The following MACROD2 variants were observed in gnomAD, a reference collection of about 807,000 sequenced individuals.
MACROD2 encodes the protein ADP-ribose glycohydrolase MACROD2.
A neutral mutation model predicts 70.4 loss-of-function variants in MACROD2; 36 were observed. The observed-to-expected ratio is 0.51, with a 90% CI of 0.39 to 0.68. MACROD2 has a LOEUF of 0.68. Among genes scored for constraint, MACROD2 ranks in the 30% least tolerant of loss-of-function variants. MACROD2 has a pLI of 0.00. For missense variants in MACROD2, 496 were observed against 538.4 expected (o/e 0.92, Z 0.78); for synonymous variants, 172 against 178.8 (o/e 0.96, Z 0.30).
At chr20:14,855,238 C>G (rs951273864) in intron 5 of MACROD2, among the ~76,000 whole-genome samples, 1 of 152,146 alleles carries the variant, frequency 6.6e-6, no homozygotes, top group African/African-American at 2.4e-5. Flanking sequence ...CAAGATTTTA[C>G]AGCATCTCAA....
At chr20:15,735,919 T>G (rs979380667) in intron 8 of MACROD2, among the ~76,000 whole-genome samples, 1 of 152,112 alleles carries the variant, frequency 6.6e-6, no homozygotes, top group Non-Finnish European at 1.5e-5. Context: ...ATGTAACATA[T>G]CTTTATTGAA....
chr20:14,184,509 G>T (rs1340114277), intron 3 of MACROD2, among the ~76,000 whole-genome samples: 11 of 142,872 alleles, frequency 7.7e-5, no homozygotes, highest in African/African-American at 2.8e-4. Flanking sequence ...AGGCTATTTG[G>T]TTTTTTTTTT....
chr20:13,995,581 G>C lies in MACROD2; in HGVS notation c.-183G>C. The C allele has an allele frequency of 2.9e-6, 2 of 678,802 alleles. No homozygotes were observed. Among genetic ancestry groups the C allele is most frequent in the Non-Finnish European group, 5.4e-6 (2 of 370,796 alleles). 42.0% of individuals were successfully genotyped at this position (678,802 alleles called of 1,614,324 possible). A position where few individuals can be genotyped will look rare whatever the true frequency, so the allele number is the denominator to read the frequency against. On this transcript the variant is annotated 5_prime_UTR_variant, in exon 1 of 18. Transcript: ENST00000684519. This position sits in a 1 kb window ranked among gnomAD's most constrained non-coding sequence, Gnocchi z 4.3. ...TGAGGCGGGTGGGAGCCGGAGCCGA[G>C]CGCGGGCTGAGGGAGGAGGGCGGCG...
intron 3 of MACROD2, among the ~76,000 whole-genome samples, chr20:14,441,583 G>A (rs1394123657): frequency 1.3e-5 from 2 of 152,110 alleles, no homozygotes; most frequent in Non-Finnish European, 2.9e-5. Context: ...CAGTGATATG[G>A]CATTGAGTCA....
chr20:15,619,992 C>A (rs200753), intron 8 of MACROD2, among the ~76,000 whole-genome samples: 19 of 151,906 alleles, frequency 1.3e-4, no homozygotes, highest in African/African-American at 4.3e-4. Context: ...CTAAACGAAT[C>A]TTCATTCCAG....
intron 8 of MACROD2, among the ~76,000 whole-genome samples, chr20:15,681,579 T>C (rs952674436): frequency 6.6e-6 from 1 of 152,228 alleles, no homozygotes; most frequent in African/African-American, 2.4e-5. Context: ...TGTTTGGGGC[T>C]TCAGGTGTAT....
At chr20:15,620,383 G>A (rs555021241) in intron 8 of MACROD2, among the ~76,000 whole-genome samples, 20 of 152,218 alleles carry the variant, frequency 1.3e-4, no homozygotes, top group African/African-American at 3.6e-4. Context: ...AACCCAGGTT[G>A]GATATTTAGA....
intron 3 of MACROD2, among the ~76,000 whole-genome samples, chr20:14,097,564 A>G (rs1214585687): frequency 6.6e-6 from 1 of 152,242 alleles, no homozygotes; most frequent in Non-Finnish European, 1.5e-5. Flanking sequence ...ACTTGGAGTC[A>G]GATCAATCAT....
chr20:15,767,028 G>A (rs911311259), intron 8 of MACROD2, among the ~76,000 whole-genome samples: 11 of 152,198 alleles, frequency 7.2e-5, no homozygotes, highest in Non-Finnish European at 1.3e-4. Flanking sequence ...CAGATTCAAG[G>A]AAGGAGCTCT....
intron 3 of MACROD2, among the ~76,000 whole-genome samples, chr20:14,385,076 T>C (rs1346667516): frequency 6.6e-6 from 1 of 152,050 alleles, no homozygotes; most frequent in Admixed American, 6.5e-5. Context: ...GCCATCAAAT[T>C]GGGGACAAGT....
At chr20:15,720,974 C>T (rs1032195180) in intron 8 of MACROD2, among the ~76,000 whole-genome samples, 13 of 152,172 alleles carry the variant, frequency 8.5e-5, no homozygotes, top group Non-Finnish European at 1.9e-4. Context: ...AGTGCTGTCT[C>T]TCCACTGAAC....
At chr20:14,469,270 G>T (rs1429934128) in intron 3 of MACROD2, among the ~76,000 whole-genome samples, 1 of 152,142 alleles carries the variant, frequency 6.6e-6, no homozygotes, top group Non-Finnish European at 1.5e-5. Context: ...CTCTCTTCTG[G>T]CTTGTAGGGT....
At chr20:14,763,412 G>T (rs1397890722) in intron 5 of MACROD2, among the ~76,000 whole-genome samples, 1 of 152,110 alleles carries the variant, frequency 6.6e-6, no homozygotes, top group Non-Finnish European at 1.5e-5. Context: ...CTAATTAATG[G>T]AATGGAATGA....
intron 6 of MACROD2, among the ~76,000 whole-genome samples, chr20:15,351,534 A>G (rs748447385): frequency 1.1e-4 from 17 of 152,128 alleles, no homozygotes; most frequent in Non-Finnish European, 2.4e-4. Flanking sequence ...CCTGTTTGAG[A>G]TCTCCCAGGC....
At chr20:14,733,670 C>G (rs1308068043) in intron 5 of MACROD2, among the ~76,000 whole-genome samples, 1 of 152,098 alleles carries the variant, frequency 6.6e-6, no homozygotes, top group Non-Finnish European at 1.5e-5. Flanking sequence ...ACATTTGTTT[C>G]TCTGGGAACT....
At chr20:14,482,005 T>C (rs987240349) in intron 3 of MACROD2, among the ~76,000 whole-genome samples, 1 of 152,208 alleles carries the variant, frequency 6.6e-6, no homozygotes, top group Non-Finnish European at 1.5e-5. Context: ...TATCAGCTGG[T>C]CCACTGGCTT....
At chr20:15,853,594 G>A (rs2064324077) in intron 8 of MACROD2, among the ~76,000 whole-genome samples, 1 of 152,122 alleles carries the variant, frequency 6.6e-6, no homozygotes, top group South Asian at 2.1e-4. Flanking sequence ...AAGGAATGCA[G>A]GAGGCCTCCA....
rs1383169166 is a variant in MACROD2 at position 14,213,751 on chromosome 20, C to T, written c.271+128023C>T. ...CTTCGGCAGTCAAAATAAAATATTA[C>T]ATTTAAAATTAATTGAATCTGTGAA... On this transcript the variant is annotated intron_variant, in intron 3 of 17. Transcript: ENST00000684519. Among the ~76,000 whole-genome samples the T allele has an allele frequency of 2.0e-5, 3 of 151,982 alleles. No homozygotes were observed. The East Asian group carries it at 5.8e-4, about 29-fold the overall frequency.
intron 8 of MACROD2, among the ~76,000 whole-genome samples, chr20:15,560,762 C>CAAAAAAAAAAAAAAAAAAAAAAAAAAAAA (rs71190190): frequency 1.4e-4 from 3 of 22,092 alleles, no homozygotes; most frequent in East Asian, 1.1e-3. Context: ...AACAAAGTCT[C>CAAAAAAAAAAAAAAAAAAAAAAAAAAAAA]AAAAAAAAAA....
Sources: allele counts gnomAD v4.1 joint callset (sites outside exome capture counted in the v4.1 genomes callset), GRCh38; gene constraint gnomAD v4.1.1; non-coding constraint Gnocchi (gnomAD v3.1); transcripts MANE v1.5; gene names NCBI Gene and HGNC (gene_info 2026-07-23, HGNC 2026-07-21).